The following ADAMTS10 variants were observed in gnomAD, a reference collection of about 807,000 sequenced individuals.
ADAMTS10 encodes the protein A disintegrin and metalloproteinase with thrombospondin motifs 10.
A neutral mutation model predicts 135.9 loss-of-function variants in ADAMTS10; 48 were observed. The ratio of observed to expected loss-of-function variants is 0.35; its 90% CI spans 0.28 to 0.45. The LOEUF is 0.45. ADAMTS10 is among the 20% of genes least tolerant of loss of function. The probability of loss-of-function intolerance (pLI) is 1.00; values close to 1 mark genes in which losing one functional copy is unlikely to be tolerated. For missense variants in ADAMTS10, 1,131 were observed against 1,565.2 expected (o/e 0.72, Z 4.68); for synonymous variants, 621 against 647.5 (o/e 0.96, Z 0.62).
chr19:8,585,732 A>G, intron 22 of ADAMTS10, 72 bp from the exon 23 acceptor site: 1 of 1,445,666 alleles, frequency 6.9e-7, no homozygotes, highest in Non-Finnish European at 9.6e-7. Context: ...GGGGCACTAT[A>G]GCCTACCCCC....
intron 18 of ADAMTS10, among the ~76,000 whole-genome samples, chr19:8,587,163 CT>C (rs1194992099): frequency 2.0e-3 from 289 of 143,294 alleles, no homozygotes; most frequent in Admixed American, 2.4e-3. Flanking sequence ...TTCTTTCTTT[CT>C]TTTTTTTTTT....
intron 25 of ADAMTS10, among the ~76,000 whole-genome samples, chr19:8,582,044 CAA>C (rs2042359890): frequency 6.6e-6 from 1 of 150,974 alleles, no homozygotes; most frequent in Non-Finnish European, 1.5e-5. Context: ...AACAAACAAA[CAA>C]ACAAACAAAC....
At chr19:8,592,550 T>A (rs989513190) in intron 13 of ADAMTS10, among the ~76,000 whole-genome samples, 1 of 148,994 alleles carries the variant, frequency 6.7e-6, no homozygotes, top group Non-Finnish European at 1.5e-5. Flanking sequence ...ACAGTAGGCG[T>A]GGCCAGAACC....
chr19:8,586,042 C>A, intron 22 of ADAMTS10, 80 bp downstream of exon 22: 1 of 1,601,350 alleles, frequency 6.2e-7, no homozygotes, highest in Non-Finnish European at 8.5e-7. Flanking sequence ...CTGCTCCCCA[C>A]CCCCCTGGAG....
chr19:8,598,933 G>A (rs958397797), intron 6 of ADAMTS10, among the ~76,000 whole-genome samples: 1 of 152,002 alleles, frequency 6.6e-6, no homozygotes. Flanking sequence ...AGGCACAACT[G>A]AGGGCCATCA....
Position 8,585,527 on chromosome 19 carries a change from G to A in ADAMTS10, c.2794C>T (p.Arg932Cys). Reference protein sequence around the residue: ...ALDDSACPQPRPPVLEACHGP... With the variant: ...ALDDSACPQPCPPVLEACHGP... The stretch of plus-strand genomic sequence containing the variant: ...TGGCAGGCCTCCAGTACAGGTGGGC[G>A]CGGCTGCGGGCATGCGCTGTCGTCC... The change falls in exon 23 of 26, where the codon CGC becomes TGC. Residue 932 changes from arginine (R) to cysteine (C), a missense_variant. Physicochemically the swap from Arg to Cys is radical, Grantham distance 180. This residue lies in a region of ADAMTS10 where 745 missense variants were observed against 1,056.3 expected (regional missense o/e 0.71). Transcript: ENST00000597188. 1 of 1,560,794 alleles carries A rather than the reference G, an allele frequency of 6.4e-7. No individual in the cohort carries two copies. The highest frequency in any genetic ancestry group is 8.7e-7 in the Non-Finnish European group (1 of 1,153,298).
At chr19:8,598,557 T>A (rs2042629456) in intron 6 of ADAMTS10, among the ~76,000 whole-genome samples, 1 of 133,484 alleles carries the variant, frequency 7.5e-6, no homozygotes. Context: ...CGTCTGGAAA[T>A]CCCCAGAATT....
At chr19:8,595,520 A>G in intron 12 of ADAMTS10, 2 of 567,812 alleles carry the variant, frequency 3.5e-6, no homozygotes, top group South Asian at 3.7e-5. Flanking sequence ...CCAGCCCTCA[A>G]ATCAGGGGTC....
At chr19:8,595,250 C>T (rs1555739868) in intron 12 of ADAMTS10, among the ~76,000 whole-genome samples, 1 of 152,078 alleles carries the variant, frequency 6.6e-6, no homozygotes. Flanking sequence ...CTTCTCTATG[C>T]ACGAATGGGG....
At chr19:8,583,478 T>C (rs575482112) in intron 25 of ADAMTS10, among the ~76,000 whole-genome samples, 1 of 151,572 alleles carries the variant, frequency 6.6e-6, no homozygotes, top group East Asian at 2.0e-4. Flanking sequence ...GAGGTGGAGG[T>C]TGCAGTGAGC....
chr19:8,604,305 C>G (rs1276926704), intron 4 of ADAMTS10, among the ~76,000 whole-genome samples: 1 of 148,710 alleles, frequency 6.7e-6, no homozygotes, highest in Admixed American at 6.7e-5. Flanking sequence ...TCAAGTGATC[C>G]TCCTGCCTCG....
Position 8,605,812 on chromosome 19 carries a change from G to A in ADAMTS10, c.-99-3C>T, listed in dbSNP as rs1047616409. On this transcript the variant is annotated splice_region_variant and splice_polypyrimidine_tract_variant and intron_variant, in intron 2 of 25. Coordinates refer to ENST00000597188, the MANE Select transcript of ADAMTS10 (RefSeq NM_030957.4). The surrounding 1 kb of genome is among the most constrained non-coding windows in gnomAD (Gnocchi z 7.7). ...GCCTTCGCAGCATCACCGGGCTCCT[G>A]GGAGGGGGGAGCCAGGTAAGGGGGC... 350 of 1,512,810 alleles carry A rather than the reference G, an allele frequency of 2.3e-4. No individual in the cohort carries two copies. The highest frequency in any genetic ancestry group is 6.8e-4 in the Middle Eastern group (3 of 4,412). The allele number at this position is 1,512,810 out of a possible 1,614,324, so 93.7% of individuals were successfully genotyped here.
chr19:8,605,287 G>A lies in ADAMTS10; in HGVS notation c.160C>T (p.Leu54=). Reference sequence around the variant, plus strand: ...CGGGGAGGAGGTGGCGAGAAGGCCAGCAGTGCCCCGTTGTGGTCCACGCGG... The same window carrying A: ...CGGGGAGGAGGTGGCGAGAAGGCCAACAGTGCCCCGTTGTGGTCCACGCGG... ...PTRVDHNGAL[L]AFSPPPPRRQ... Residue 54 remains leucine, a synonymous_variant, in exon 4 of 26, where the codon CTG becomes TTG. Coordinates refer to ENST00000597188, the MANE Select transcript of ADAMTS10 (RefSeq NM_030957.4). This position sits in a 1 kb window ranked among gnomAD's most constrained non-coding sequence, Gnocchi z 7.7. The A allele has an allele frequency of 5.0e-6, 8 of 1,612,556 alleles. No homozygotes were observed. Among genetic ancestry groups the A allele is most frequent in the Non-Finnish European group, 6.8e-6 (8 of 1,179,410 alleles).
At position 8,605,212 on chromosome 19, in the gene ADAMTS10, T is replaced by C. The variant is rs782650279; in HGVS notation, c.235A>G (p.Lys79Glu). 2 of 1,613,952 alleles carry C rather than the reference T, an allele frequency of 1.2e-6. No individual in the cohort carries two copies. The highest frequency in any genetic ancestry group is 1.7e-5 in the Admixed American group (1 of 60,016). Residue 79 changes from lysine to glutamate, a missense_variant, in exon 4 of 26, where the codon AAA (lysine) becomes GAA (glutamate). By Grantham distance (56) the Lys-to-Glu change is moderately conservative. Around this residue, in one of 3 missense-constraint regions of ADAMTS10, gnomAD observed 306 missense variants for 344.4 expected, o/e 0.89. Transcript: ENST00000597188. This position sits in a 1 kb window ranked among gnomAD's most constrained non-coding sequence, Gnocchi z 7.7. ...AAGTGGGTGCTGGGCGAGGCCACTT[T>C]GTAGAAGAGGCGGGACTCGGCTGTG... ...GATAESRLFY[K>E]VASPSTHFLL...
chr19:8,604,999 A>G lies in ADAMTS10; in HGVS notation c.435+13T>C. On this transcript the variant is annotated intron_variant, in intron 4 of 25. Coordinates refer to ENST00000597188, the MANE Select transcript of ADAMTS10 (RefSeq NM_030957.4). ...TGGGCATTTCCCCCCGCGTTCCAGA[A>G]TCCTCAGCTCACCAGGCCTCCACAG... 1 of 1,590,794 alleles carries G rather than the reference A, an allele frequency of 6.3e-7. No homozygotes were observed. The highest frequency in any genetic ancestry group is 8.5e-7 in the Non-Finnish European group (1 of 1,169,622).
chr19:8,605,387 G>A lies in ADAMTS10; in HGVS notation c.89-29C>T. 1.3e-6 allele frequency: 2 copies of A among 1,563,782 alleles called. No individual in the cohort carries two copies. The highest frequency in any genetic ancestry group is 1.2e-5 in the South Asian group (1 of 85,672). On this transcript the variant is annotated intron_variant, in intron 3 of 25. Coordinates refer to ENST00000597188, the MANE Select transcript of ADAMTS10 (RefSeq NM_030957.4). The surrounding 1 kb of genome is among the most constrained non-coding windows in gnomAD (Gnocchi z 7.7). ...TGGGTGAGGGTCAGAGGCCTGGGGT[G>A]GGCCCTGGTCTTATTGGACCCCTGT...
intron 12 of ADAMTS10, chr19:8,593,537 CCTCT>C (rs1291123752): frequency 1.3e-5 from 2 of 152,582 alleles, no homozygotes; most frequent in East Asian, 1.9e-4. Context: ...GTGGGACATG[CCTCT>C]CTTTCTCCAG....
intron 1 of ADAMTS10, among the ~76,000 whole-genome samples, chr19:8,609,881 C>T (rs2146113844): frequency 6.6e-6 from 1 of 152,140 alleles, no homozygotes; most frequent in East Asian, 1.9e-4. Flanking sequence ...CAGACACACA[C>T]GCCGACAGGC....
chr19:8,608,013 G>C (rs1312678580), intron 2 of ADAMTS10, 121 bp downstream of exon 2: 1 of 152,152 alleles, frequency 6.6e-6, no homozygotes, highest in Non-Finnish European at 1.5e-5. Context: ...GTTTCACTAT[G>C]TTGGCCAGGA....
Sources: allele counts gnomAD v4.1 joint callset (sites outside exome capture counted in the v4.1 genomes callset), GRCh38; gene constraint gnomAD v4.1.1; regional missense constraint gnomAD v4.1.1; non-coding constraint Gnocchi (gnomAD v3.1); transcripts MANE v1.5; gene names NCBI Gene and HGNC (gene_info 2026-07-23, HGNC 2026-07-21).